The following SLC30A8 variants were observed in gnomAD, a reference collection of about 807,000 sequenced individuals.
The protein encoded by SLC30A8 is solute carrier family 30 member 8.
A neutral mutation model predicts 36.9 loss-of-function variants in SLC30A8; 27 were observed. That is an observed-to-expected ratio of 0.73 (90% CI 0.54 to 1.01). The LOEUF (loss-of-function observed/expected upper bound fraction) is 1.01. SLC30A8 is among the 50% of genes least tolerant of loss of function. SLC30A8 has a pLI of 0.00. For synonymous variants in SLC30A8, 164 were observed against 172.4 expected, an observed-to-expected ratio of 0.95 and a Z score of 0.38; for missense variants, 439 against 452.0, an observed-to-expected ratio of 0.97 and a Z score of 0.26.
chr8:117,158,406 C>T (rs966495850), intron 4 of SLC30A8, among the ~76,000 whole-genome samples: 2 of 152,192 alleles, frequency 1.3e-5, no homozygotes, highest in African/African-American at 4.8e-5. Context: ...TCTTTTGCAA[C>T]ATTTCCATAA....
intron 2 of SLC30A8, among the ~76,000 whole-genome samples, chr8:117,060,016 G>A (rs576206239): frequency 6.6e-6 from 1 of 152,204 alleles, no homozygotes; most frequent in Non-Finnish European, 1.5e-5. Flanking sequence ...GGGAGTTGAA[G>A]AACAAGGATA....
Position 117,174,096 on chromosome 8 carries a change from T to A in SLC30A8, c.*1415T>A, listed in dbSNP as rs763875807. 1 of 152,168 alleles carries A rather than the reference T, an allele frequency of 6.6e-6. No homozygotes were observed. Among genetic ancestry groups the A allele is most frequent in the Non-Finnish European group, 1.5e-5 (1 of 68,030 alleles). 9.4% of individuals were successfully genotyped at this position (152,168 alleles called of 1,614,324 possible). A position where few individuals can be genotyped will look rare whatever the true frequency, so the allele number is the denominator to read the frequency against. On this transcript the variant is annotated 3_prime_UTR_variant, in exon 8 of 8. Coordinates refer to ENST00000456015, the MANE Select transcript of SLC30A8 (RefSeq NM_173851.3). ...AAAATACATGATGCAAAGAAACCTC[T>A]CCACGCTGTGATTTTTAAAACTACA...
intron 1 of SLC30A8, among the ~76,000 whole-genome samples, chr8:117,143,668 AC>A (rs1177889882): frequency 8.6e-6 from 1 of 116,286 alleles, no homozygotes; most frequent in Non-Finnish European, 2.0e-5. Context: ...CCCATAAAAC[AC>A]ACACACACAC....
chr8:117,068,101 A>G (rs188655290), intron 2 of SLC30A8, among the ~76,000 whole-genome samples: 3 of 152,344 alleles, frequency 2.0e-5, no homozygotes, highest in East Asian at 3.9e-4. Flanking sequence ...TCTATTATGC[A>G]TTGATGAAAG....
At chr8:117,047,374 G>A (rs1817585025) in intron 2 of SLC30A8, among the ~76,000 whole-genome samples, 1 of 152,124 alleles carries the variant, frequency 6.6e-6, no homozygotes, top group Non-Finnish European at 1.5e-5. Context: ...TTGATTTAAA[G>A]CTCAAGCTCT....
At chr8:117,168,504 C>A (rs1223485896) in intron 6 of SLC30A8, among the ~76,000 whole-genome samples, 1 of 152,066 alleles carries the variant, frequency 6.6e-6, no homozygotes, top group African/African-American at 2.4e-5. Context: ...CAGACTCCCC[C>A]CCAAGTAAAA....
chr8:117,128,365 C>G (rs902653434), intron 2 of SLC30A8: 1 of 152,076 alleles, frequency 6.6e-6, no homozygotes, highest in African/African-American at 2.4e-5. Context: ...TGCTTCATTA[C>G]TGATGCTACC....
intron 1 of SLC30A8, among the ~76,000 whole-genome samples, chr8:117,144,794 C>T (rs1563624477): frequency 6.6e-6 from 1 of 152,086 alleles, no homozygotes; most frequent in East Asian, 1.9e-4. Context: ...TGAGGAGCAG[C>T]CCTGTGGTTT....
At chr8:117,059,924 G>A (rs1391228089) in intron 2 of SLC30A8, among the ~76,000 whole-genome samples, 1 of 152,116 alleles carries the variant, frequency 6.6e-6, no homozygotes, top group Non-Finnish European at 1.5e-5. Context: ...AAGTAATGAG[G>A]TTCTGAGCTA....
chr8:117,088,763 T>G (rs1818984821), intron 2 of SLC30A8, among the ~76,000 whole-genome samples: 1 of 152,216 alleles, frequency 6.6e-6, no homozygotes. Context: ...CCCTATGATT[T>G]CACAGATGGT....
intron 1 of SLC30A8, among the ~76,000 whole-genome samples, chr8:116,967,316 A>G (rs1814630915): frequency 6.6e-6 from 1 of 152,248 alleles, no homozygotes; most frequent in South Asian, 2.1e-4. Flanking sequence ...AAAAAAATTG[A>G]GGAACAACCA....
chr8:117,084,912 C>A (rs539313464), intron 2 of SLC30A8, among the ~76,000 whole-genome samples: 18 of 152,216 alleles, frequency 1.2e-4, no homozygotes, highest in African/African-American at 3.9e-4. Context: ...GACTCCTCTT[C>A]TTCCTGATGA....
intron 4 of SLC30A8, among the ~76,000 whole-genome samples, chr8:117,160,447 G>GTGTGTGCA: frequency 8.6e-6 from 1 of 116,876 alleles, no homozygotes; most frequent in African/African-American, 5.5e-5. Flanking sequence ...GCGCACATGT[G>GTGTGTGCA]CGCGCGGTGG....
intron 2 of SLC30A8, among the ~76,000 whole-genome samples, chr8:117,097,425 A>G (rs1819436396): frequency 8.5e-6 from 1 of 117,236 alleles, no homozygotes; most frequent in Non-Finnish European, 1.6e-5. Flanking sequence ...AAAAATATAT[A>G]TAAATATATA....
chr8:117,157,181 T>C lies in SLC30A8; in HGVS notation c.419-510T>C, dbSNP rs929722102. Among the ~76,000 whole-genome samples, 11 of 152,366 alleles carry C rather than the reference T, an allele frequency of 7.2e-5. No homozygotes were observed. The South Asian group carries it at 1.0e-3, about 14-fold the overall frequency. The stretch of plus-strand genomic sequence containing the variant: ...TCTGAGCTCACCTCTGTGTTTATAA[T>C]ATGTTGCGTTGGCAAATAAAACTCA... On this transcript the variant is annotated intron_variant, in intron 3 of 7. Transcript: ENST00000456015.
intron 2 of SLC30A8, among the ~76,000 whole-genome samples, chr8:117,071,198 T>C (rs1475093621): frequency 1.3e-5 from 2 of 151,646 alleles, no homozygotes; most frequent in Non-Finnish European, 3.0e-5. Context: ...CCATATCCTC[T>C]TCAACACTTA....
chr8:117,011,625 A>G (rs1439767139), intron 1 of SLC30A8, among the ~76,000 whole-genome samples: 1 of 152,182 alleles, frequency 6.6e-6, no homozygotes, highest in East Asian at 1.9e-4. Context: ...ATTTTGCACT[A>G]TCCTTGGGCA....
chr8:117,144,912 G>T (rs1821832136), intron 1 of SLC30A8, among the ~76,000 whole-genome samples: 1 of 152,102 alleles, frequency 6.6e-6, no homozygotes, highest in South Asian at 2.1e-4. Context: ...TATTCCCCTG[G>T]CTATAGTGGT....
intron 3 of SLC30A8, among the ~76,000 whole-genome samples, chr8:117,154,550 C>T (rs1486465120): frequency 2.0e-5 from 3 of 152,192 alleles, no homozygotes; most frequent in Admixed American, 6.5e-5. Flanking sequence ...TAAACAAACA[C>T]TTGATCATCG....
Sources: allele counts gnomAD v4.1 joint callset (sites outside exome capture counted in the v4.1 genomes callset), GRCh38; gene constraint gnomAD v4.1.1; transcripts MANE v1.5; gene names NCBI Gene and HGNC (gene_info 2026-07-23, HGNC 2026-07-21).